The following FXR2 variants were observed in gnomAD, a reference collection of about 807,000 sequenced individuals.
The protein encoded by FXR2 is RNA-binding protein FXR2.
Under a neutral mutation model 87.3 loss-of-function variants are expected in FXR2, and 9 were observed. That is an observed-to-expected ratio of 0.10 (90% confidence interval 0.06 to 0.18). FXR2 has a LOEUF of 0.18. Ranked by LOEUF, FXR2 falls within the 10% of genes least tolerant of loss-of-function variation. FXR2 has a pLI of 1.00. For synonymous variants in FXR2, 331 were observed against 328.3 expected (o/e 1.01, Z -0.09); for missense variants, 661 against 893.6 (o/e 0.74, Z 3.32).
intron 1 of FXR2, among the ~76,000 whole-genome samples, chr17:7,607,084 C>G (rs758960570): frequency 3.0e-4 from 46 of 152,100 alleles, no homozygotes; most frequent in Non-Finnish European, 6.3e-4. Flanking sequence ...TTTGGGAGGA[C>G]GAGGCAGGCA....
chr17:7,614,322 G>A (rs2071916339), intron 1 of FXR2, 130 bp downstream of exon 1: 1 of 727,270 alleles, frequency 1.4e-6, no homozygotes, highest in Non-Finnish European at 2.3e-6. Flanking sequence ...AAGGCTGCGG[G>A]TTGGAGCAAG....
intron 1 of FXR2, among the ~76,000 whole-genome samples, chr17:7,613,437 T>C (rs1482733979): frequency 1.3e-5 from 2 of 151,802 alleles, no homozygotes; most frequent in Non-Finnish European, 2.9e-5. Flanking sequence ...TCCTAGAAAA[T>C]AGATTCAGAG....
At position 7,591,535 on chromosome 17, in the gene FXR2, A is replaced by T. The variant is rs1219716194; in HGVS notation, c.*295T>A. ...AGGAGCACCCCCCACCAACAGGTGG[A>T]GAATGGGGGTGTTCAGAGAGAGATT... On this transcript the variant is annotated 3_prime_UTR_variant, in exon 17 of 17. Transcript: ENST00000250113. This position sits in a 1 kb window ranked among gnomAD's most constrained non-coding sequence, Gnocchi z 4.0. 3.3e-5 allele frequency: 12 copies of T among 368,694 alleles called. No individual in the cohort carries two copies. The highest frequency in any genetic ancestry group is 2.6e-4 in the Admixed American group (6 of 23,468). The allele number at this position is 368,694 out of a possible 1,614,324, so 22.8% of individuals were successfully genotyped here. A position where few individuals can be genotyped will look rare whatever the true frequency, so the allele number is the denominator to read the frequency against.
chr17:7,599,135 CAAA>C (rs35150877), intron 7 of FXR2, among the ~76,000 whole-genome samples: 16 of 131,738 alleles, frequency 1.2e-4, no homozygotes, highest in Admixed American at 1.5e-4. Flanking sequence ...AAACTGTCTC[CAAA>C]AAAAAAAAAA....
chr17:7,608,540 G>A (rs572219228), intron 1 of FXR2, among the ~76,000 whole-genome samples: 1 of 150,924 alleles, frequency 6.6e-6, no homozygotes, highest in South Asian at 2.1e-4. Context: ...ATCACTTGAA[G>A]CCAGGAGTTA....
chr17:7,606,941 CAATT>C (rs1290544896), intron 1 of FXR2, among the ~76,000 whole-genome samples: 1 of 152,150 alleles, frequency 6.6e-6, no homozygotes, highest in Non-Finnish European at 1.5e-5. Context: ...TTTTCACATA[CAATT>C]AGGGATTTCT....
chr17:7,599,710 C>G (rs1238121436), intron 7 of FXR2, among the ~76,000 whole-genome samples: 1 of 151,834 alleles, frequency 6.6e-6, no homozygotes, highest in African/African-American at 2.4e-5. Context: ...AACCCCATCT[C>G]TACTAAAAAA....
chr17:7,592,573 TACG>T lies in FXR2; in HGVS notation c.1753_1755del (p.Arg585del), dbSNP rs776100288. ...CGGTTACGGCGGCGGCGGCTGCGAT[TACG>T]ACGTTGAGGTCTTGATTCATCTTCT... On this transcript the variant is annotated inframe_deletion, in exon 15 of 17. Coordinates refer to ENST00000250113, the MANE Select transcript of FXR2 (RefSeq NM_004860.4). This position sits in a 1 kb window ranked among gnomAD's most constrained non-coding sequence, Gnocchi z 4.8. The T allele has an allele frequency of 5.0e-6, 8 of 1,613,024 alleles. No homozygotes were observed. The highest frequency in any genetic ancestry group is 6.8e-6 in the Non-Finnish European group (8 of 1,179,604).
chr17:7,612,435 C>T (rs1372490590), intron 1 of FXR2, among the ~76,000 whole-genome samples: 1 of 152,026 alleles, frequency 6.6e-6, no homozygotes, highest in East Asian at 1.9e-4. Flanking sequence ...AACAGAAATG[C>T]TATGGAGGCA....
intron 1 of FXR2, among the ~76,000 whole-genome samples, chr17:7,608,507 T>C (rs1184808343): frequency 1.3e-5 from 2 of 151,144 alleles, no homozygotes; most frequent in African/African-American, 4.8e-5. Flanking sequence ...ACCTCAGTTA[T>C]TCAGGGTGGC....
At chr17:7,602,434 G>A (rs900799763) in intron 6 of FXR2, among the ~76,000 whole-genome samples, 12 of 152,284 alleles carry the variant, frequency 7.9e-5, no homozygotes, top group Admixed American at 1.3e-4. Flanking sequence ...CAGGCGCAAT[G>A]GCAGGCGCCT....
intron 1 of FXR2, 67 bp downstream of exon 1, chr17:7,614,385 A>C: frequency 8.5e-7 from 1 of 1,177,302 alleles, no homozygotes; most frequent in Non-Finnish European, 1.2e-6. Context: ...ATCCCGCCCC[A>C]CGCGTTCCTG....
Position 7,592,639 on chromosome 17 carries a change from C to T in FXR2, c.1730-40G>A. 6.2e-7 allele frequency: 1 copy of T among 1,612,324 alleles called. No individual in the cohort carries two copies. The highest frequency in any genetic ancestry group is 8.5e-7 in the Non-Finnish European group (1 of 1,178,480). ...AAAACCAGAGTCACACATCCAACCT[C>T]CCACCCTCGATTCCTACCCATCTCT... On this transcript the variant is annotated intron_variant, in intron 14 of 16. Transcript: ENST00000250113. This position sits in a 1 kb window ranked among gnomAD's most constrained non-coding sequence, Gnocchi z 4.8.
intron 1 of FXR2, among the ~76,000 whole-genome samples, chr17:7,607,656 T>C (rs1438040392): frequency 5.9e-5 from 9 of 152,228 alleles, no homozygotes; most frequent in African/African-American, 2.2e-4. Context: ...CTCGAACTCC[T>C]GACCTCAGGT....
At chr17:7,605,305 T>G (rs569064867) in intron 3 of FXR2, among the ~76,000 whole-genome samples, 2 of 150,604 alleles carry the variant, frequency 1.3e-5, no homozygotes, top group South Asian at 4.2e-4. Context: ...GAGGCGGAGG[T>G]TGCAGTTAGC....
chr17:7,610,047 TACACAC>T (rs35635534), intron 1 of FXR2, among the ~76,000 whole-genome samples: 20 of 137,174 alleles, frequency 1.5e-4, no homozygotes, highest in Admixed American at 4.4e-4. Context: ...TGTATATATA[TACACAC>T]ACACACACAC....
chr17:7,610,850 G>A (rs1388023613), intron 1 of FXR2, among the ~76,000 whole-genome samples: 1 of 152,184 alleles, frequency 6.6e-6, no homozygotes. Flanking sequence ...TCTGGAGCCT[G>A]GCACCAAGCC....
chr17:7,591,870 G>A lies in FXR2; in HGVS notation c.1982C>T (p.Ala661Val), dbSNP rs372276022. 4.4e-6 allele frequency: 7 copies of A among 1,605,016 alleles called. No homozygotes were observed. In the African/African-American group the frequency reaches 6.7e-5, roughly 15 times the overall value. Residue 661 changes from alanine (A) to valine (V), a missense_variant, in exon 17 of 17, where the codon GCC (alanine) becomes GTC (valine). By Grantham distance (64) the Ala-to-Val change is moderately conservative. Around this residue, in one of 3 missense-constraint regions of FXR2, gnomAD observed 409 missense variants for 432.0 expected, o/e 0.95. Coordinates refer to ENST00000250113, the MANE Select transcript of FXR2 (RefSeq NM_004860.4). The surrounding 1 kb of genome is among the most constrained non-coding windows in gnomAD (Gnocchi z 4.0). ...CACCATACTACCCAACTCCAAGGGG[G>A]CGGAGAGCTCCCCATTCTCCGAGGG... Reference protein sequence around the residue: ...KGPSENGELSAPLELGSMVNG... With the variant: ...KGPSENGELSVPLELGSMVNG...
chr17:7,600,813 G>A (rs1324934387), intron 7 of FXR2, among the ~76,000 whole-genome samples: 1 of 152,018 alleles, frequency 6.6e-6, no homozygotes, highest in African/African-American at 2.4e-5. Flanking sequence ...GAACCCAGAA[G>A]GTGGATGTTG....
Sources: allele counts gnomAD v4.1 joint callset (sites outside exome capture counted in the v4.1 genomes callset), GRCh38; gene constraint gnomAD v4.1.1; regional missense constraint gnomAD v4.1.1; non-coding constraint Gnocchi (gnomAD v3.1); transcripts MANE v1.5; gene names NCBI Gene and HGNC (gene_info 2026-07-23, HGNC 2026-07-21).